Variants in SORBS3 observed in about 807,000 individuals in gnomAD.
SORBS3 encodes vinexin.
Under a neutral mutation model 98.0 loss-of-function variants are expected in SORBS3, and 69 were observed. The ratio of observed to expected loss-of-function variants is 0.70; its 90% CI spans 0.58 to 0.86. The LOEUF is 0.86. Among genes scored for constraint, SORBS3 ranks in the 40% least tolerant of loss-of-function variants. The pLI is 0.00. For synonymous variants in SORBS3, 394 were observed against 355.4 expected, an observed-to-expected ratio of 1.11 and a Z score of -1.22; for missense variants, 954 against 908.5, an observed-to-expected ratio of 1.05 and a Z score of -0.64.
chr8:22,571,564 C>T, intron 18 of SORBS3, 154 bp from the exon 19 acceptor site: 1 of 643,962 alleles, frequency 1.6e-6, no homozygotes, highest in Non-Finnish European at 2.8e-6. Flanking sequence ...GCAGGTGTCC[C>T]TGTGCCCTGG....
At chr8:22,565,465 C>A in intron 11 of SORBS3, 111 bp downstream of exon 11, 1 of 861,212 alleles carries the variant, frequency 1.2e-6, no homozygotes, top group Non-Finnish European at 1.6e-6. Flanking sequence ...GAGGTCCGGC[C>A]TCCAGCGGCG....
At chr8:22,564,146 A>G (rs1020215480) in intron 8 of SORBS3, 69 bp downstream of exon 8, 5 of 1,529,358 alleles carry the variant, frequency 3.3e-6, no homozygotes, top group Non-Finnish European at 4.5e-6. Context: ...CTATGCCACG[A>G]TGTCCTTTCA....
chr8:22,550,744 G>A (rs533153767), upstream of SORBS3, among the ~76,000 whole-genome samples: 5 of 152,346 alleles, frequency 3.3e-5, no homozygotes, highest in East Asian at 9.6e-4. Context: ...GCACCAGTCT[G>A]ACACCCAGTA....
intron 1 of SORBS3, among the ~76,000 whole-genome samples, chr8:22,546,828 T>C (rs1840020922): frequency 6.6e-6 from 1 of 151,860 alleles, no homozygotes; most frequent in Non-Finnish European, 1.5e-5. Flanking sequence ...AAAGTAGAAA[T>C]ATCATGAGGT....
chr8:22,546,271 C>T (rs1006856238), intron 1 of SORBS3, among the ~76,000 whole-genome samples: 5 of 151,968 alleles, frequency 3.3e-5, no homozygotes, highest in Non-Finnish European at 4.4e-5. Context: ...TTATTGGCTC[C>T]CTGTGTCTTT....
At chr8:22,566,155 C>A in intron 12 of SORBS3, 190 bp from the exon 13 acceptor site, 1 of 788,770 alleles carries the variant, frequency 1.3e-6, no homozygotes, top group East Asian at 3.2e-5. Flanking sequence ...CCGCTGGGCC[C>A]TGCCGGGCCT....
chr8:22,545,770 T>G (rs1288762999), intron 1 of SORBS3, among the ~76,000 whole-genome samples: 1 of 152,254 alleles, frequency 6.6e-6, no homozygotes, highest in Non-Finnish European at 1.5e-5. Flanking sequence ...CGTAGATGTC[T>G]CCAAATACTC....
intron 11 of SORBS3, 73 bp from the exon 12 acceptor site, chr8:22,565,753 T>G: frequency 1.6e-6 from 2 of 1,281,188 alleles, no homozygotes; most frequent in Non-Finnish European, 2.0e-6. Context: ...CGCGAACTTT[T>G]CCGGAGGCGG....
upstream of SORBS3, chr8:22,551,781 C>T (rs374931133): frequency 1.5e-4 from 150 of 985,042 alleles, no homozygotes; most frequent in East Asian, 8.0e-3. The surrounding 1 kb of genome is among the most constrained non-coding windows in gnomAD (Gnocchi z 5.8). Context: ...GAGACCCAAA[C>T]TCCGCCCGCC....
rs1195990371 is a variant in SORBS3 at position 22,574,606 on chromosome 8, A to T, written c.1955-61A>T. ...CACTGCCGGCAGGGGGCAGGCCCTC[A>T]CCCCTGCATCCCTGTTAAAGAAGGG... is the stretch of plus-strand genomic sequence containing the variant. On this transcript the variant is annotated intron_variant, in intron 20 of 20. Coordinates refer to ENST00000240123, the MANE Select transcript of SORBS3 (RefSeq NM_005775.5). 3 of 1,518,824 alleles carry T rather than the reference A, an allele frequency of 2.0e-6. No individual in the cohort carries two copies. The African/African-American group carries it at 4.1e-5, about 21-fold the overall frequency. 94.1% of individuals were successfully genotyped at this position (1,518,824 alleles called of 1,614,324 possible). A position where few individuals can be genotyped will look rare whatever the true frequency, so the allele number is the denominator to read the frequency against.
intron 15 of SORBS3, 38 bp downstream of exon 15, chr8:22,566,906 A>T: frequency 6.3e-7 from 1 of 1,596,592 alleles, no homozygotes; most frequent in Non-Finnish European, 8.5e-7. Context: ...CACCCAAGGC[A>T]ATCTCTGCCA....
At chr8:22,571,633 G>A (rs192148148) in intron 18 of SORBS3, 85 bp from the exon 19 acceptor site, 43 of 991,246 alleles carry the variant, frequency 4.3e-5, no homozygotes, top group South Asian at 1.0e-4. Flanking sequence ...GACTGGGAAC[G>A]CCCATTTTGG....
intron 10 of SORBS3, chr8:22,564,943 G>A: frequency 3.8e-6 from 5 of 1,303,224 alleles, no homozygotes; most frequent in African/African-American, 1.5e-5. Context: ...CTTGGAGGGC[G>A]GGAGAAGATG....
In SORBS3 at chr8:22,558,190, C is replaced by T. The variant is rs200769304; in HGVS notation, c.476C>T (p.Pro159Leu). 6.2e-7 allele frequency: 1 copy of T among 1,614,006 alleles called. No individual in the cohort carries two copies. The highest frequency in any genetic ancestry group is 1.3e-5 in the African/African-American group (1 of 75,030). ...RMFQQIHRKM[P>L]DLQLDWTFEE... ...TTCCAGCAGATTCACCGGAAAATGC[C>T]AGGTAAGATACCCTTCCAGGGCCCT... The change falls in exon 5 of 21, where the codon CCA becomes CTA. Residue 159 changes from proline to leucine, a missense_variant and splice_region_variant. Coordinates refer to ENST00000240123, the MANE Select transcript of SORBS3 (RefSeq NM_005775.5).
intron 12 of SORBS3, chr8:22,566,075 C>A: frequency 1.8e-6 from 1 of 563,252 alleles, no homozygotes; most frequent in Non-Finnish European, 2.7e-6. Flanking sequence ...TAACTCCTAG[C>A]AGAGGACCGG....
Position 22,571,757 on chromosome 8 carries a change from G to A in SORBS3, c.1783G>A (p.Gly595Ser). Residue 595 changes from glycine to serine, a missense_variant, in exon 19 of 21, where the codon GGT becomes AGT. Transcript: ENST00000240123. ...TPGPALSHSR[G>S]PSHPLDLGTS... ...TGGTCCAGCTCTGTCCCACTCTCGA[G>A]GTCCCAGCCATCCCCTGGACCTGGG... 1.2e-6 allele frequency: 2 copies of A among 1,613,936 alleles called. No homozygotes were observed. The highest frequency in any genetic ancestry group is 8.5e-7 in the Non-Finnish European group (1 of 1,179,936).
At chr8:22,565,462 G>A in intron 11 of SORBS3, 108 bp downstream of exon 11, 1 of 856,790 alleles carries the variant, frequency 1.2e-6, no homozygotes, top group Non-Finnish European at 1.6e-6. Flanking sequence ...GCCGAGGTCC[G>A]GCCTCCAGCG....
chr8:22,564,086 C>G lies in SORBS3; in HGVS notation c.675+9C>G, dbSNP rs781492342. 1.2e-6 allele frequency: 2 copies of G among 1,612,212 alleles called. No homozygotes were observed. Among genetic ancestry groups the G allele is most frequent in the African/African-American group, 2.7e-5 (2 of 74,920 alleles). ...TGCAGCCCTCAAATCAGGTAGCCCACCCAGCATAGTCCCTGGTCAGCCCCA... is the reference window on the plus strand; with the variant it reads ...TGCAGCCCTCAAATCAGGTAGCCCAGCCAGCATAGTCCCTGGTCAGCCCCA... On this transcript the variant is annotated intron_variant, in intron 8 of 20. Transcript: ENST00000240123.
chr8:22,569,738 CT>C (rs370003172), intron 17 of SORBS3, among the ~76,000 whole-genome samples: 2 of 151,732 alleles, frequency 1.3e-5, no homozygotes, highest in African/African-American at 2.4e-5. Context: ...AGTGTAGTGG[CT>C]TTTTTTTGCT....
Sources: gnomAD v4.1 joint callset for allele counts (sites outside exome capture counted in the v4.1 genomes callset) on GRCh38, gnomAD v4.1.1 for gene constraint, Gnocchi (gnomAD v3.1) non-coding constraint, MANE v1.5 for transcripts, NCBI Gene and HGNC (gene_info 2026-07-23, HGNC 2026-07-21) for gene names.